The following ANAPC4 variants were observed in gnomAD, a reference collection of about 807,000 sequenced individuals.
ANAPC4 encodes the protein anaphase-promoting complex subunit 4.
Under a neutral mutation model 119.8 loss-of-function variants are expected in ANAPC4, and 63 were observed. The ratio of observed to expected loss-of-function variants is 0.53; its 90% CI spans 0.43 to 0.65. The LOEUF (loss-of-function observed/expected upper bound fraction) is 0.65. Among genes scored for constraint, ANAPC4 ranks in the 30% least tolerant of loss-of-function variants. The pLI is 0.00. For synonymous variants in ANAPC4, 283 were observed against 318.6 expected (o/e 0.89, Z 1.19); for missense variants, 716 against 945.1 (o/e 0.76, Z 3.18).
chr4:25,406,917 A>T (rs1214061592), intron 19 of ANAPC4, 32 bp downstream of exon 19: 9 of 1,417,908 alleles, frequency 6.3e-6, no homozygotes, highest in Middle Eastern at 1.8e-4. Flanking sequence ...AATGCAGTTT[A>T]AAAAAAAATT....
At chr4:25,415,802 T>C (rs1019061781) in intron 26 of ANAPC4, 22 of 327,654 alleles carry the variant, frequency 6.7e-5, no homozygotes, top group Middle Eastern at 7.9e-4. Context: ...AAGAAAGTAA[T>C]GTGGTTCCCA....
rs1392818214 is a variant in ANAPC4, at chr4:25,405,997, T to C, written c.1317+378T>C. Among the ~76,000 whole-genome samples the C allele has an allele frequency of 6.6e-6, 1 of 152,150 alleles. No homozygotes were observed. Among genetic ancestry groups the C allele is most frequent in the African/African-American group, 2.4e-5 (1 of 41,436 alleles). ...TGTCTGGTAAGCAACAGTTTCTTTC[T>C]AAAGAAAGGAAGGAAGGATTCCTGT... On this transcript the variant is annotated intron_variant, in intron 18 of 28. Coordinates refer to ENST00000315368, the MANE Select transcript of ANAPC4 (RefSeq NM_013367.3). The surrounding 1 kb of genome is among the most constrained non-coding windows in gnomAD (Gnocchi z 4.6).
At chr4:25,379,475 C>T (rs1333546367) in intron 2 of ANAPC4, among the ~76,000 whole-genome samples, 1 of 152,134 alleles carries the variant, frequency 6.6e-6, no homozygotes, top group East Asian at 1.9e-4. Flanking sequence ...TCAAGGAAGA[C>T]ACCTACTTCA....
intron 3 of ANAPC4, among the ~76,000 whole-genome samples, chr4:25,381,749 A>T (rs1721739509): frequency 6.6e-6 from 1 of 151,836 alleles, no homozygotes; most frequent in Non-Finnish European, 1.5e-5. Flanking sequence ...GGAGTTCAAG[A>T]CCAGCCTGGC....
intron 28 of ANAPC4, 191 bp downstream of exon 28, chr4:25,417,930 A>G: frequency 1.1e-6 from 1 of 873,168 alleles, no homozygotes; most frequent in East Asian, 2.7e-5. Flanking sequence ...AAGCTTACTA[A>G]GTAGTTAATA....
intron 17 of ANAPC4, among the ~76,000 whole-genome samples, chr4:25,403,333 A>G (rs1454325003): frequency 6.6e-6 from 1 of 152,178 alleles, no homozygotes; most frequent in Admixed American, 6.5e-5. Context: ...TCAAATCAGT[A>G]TAATTGGGAT....
chr4:25,388,894 A>G lies in ANAPC4; in HGVS notation c.515+12A>G. ...TTGGGAGACGTCAGGTAAATCTTAC[A>G]GATAAATAAGTCTAATTTCTTAAAG... On this transcript the variant is annotated intron_variant, in intron 7 of 28. Coordinates refer to ENST00000315368, the MANE Select transcript of ANAPC4 (RefSeq NM_013367.3). 1.3e-6 allele frequency: 2 copies of G among 1,570,174 alleles called. No homozygotes were observed. The highest frequency in any genetic ancestry group is 1.7e-6 in the Non-Finnish European group (2 of 1,150,878).
chr4:25,383,587 CAG>C (rs1721869035), intron 4 of ANAPC4, among the ~76,000 whole-genome samples, 194 bp downstream of exon 4: 1 of 151,634 alleles, frequency 6.6e-6, no homozygotes, highest in South Asian at 2.1e-4. Context: ...AGGCATACCT[CAG>C]AGATATTGTG....
At chr4:25,388,098 C>T (rs2045530) in intron 4 of ANAPC4, among the ~76,000 whole-genome samples, 10,087 of 152,168 alleles carry the variant, frequency 0.066, 387 homozygotes, top group South Asian at 0.13. Flanking sequence ...CACTGCACTC[C>T]GGCCTGGGTG....
intron 25 of ANAPC4, 118 bp downstream of exon 25, chr4:25,414,818 A>G (rs1254707948): frequency 7.3e-6 from 7 of 956,314 alleles, no homozygotes; most frequent in Non-Finnish European, 1.0e-5. Flanking sequence ...TAGATGTGTC[A>G]TTTAATTGTT....
intron 8 of ANAPC4, among the ~76,000 whole-genome samples, chr4:25,390,558 T>A (rs989375039): frequency 2.5e-4 from 38 of 152,230 alleles, no homozygotes; most frequent in Non-Finnish European, 4.4e-5. Flanking sequence ...CATTCTTAAG[T>A]CCAGTACTGA....
chr4:25,390,862 C>T (rs1000618047), intron 8 of ANAPC4, 49 bp from the exon 9 acceptor site: 21 of 1,409,472 alleles, frequency 1.5e-5, no homozygotes, highest in Middle Eastern at 3.6e-4. Context: ...TAATCAGCTT[C>T]AACCTAGCAG....
chr4:25,412,635 C>T (rs1723636329), intron 21 of ANAPC4, among the ~76,000 whole-genome samples: 1 of 151,974 alleles, frequency 6.6e-6, no homozygotes, highest in East Asian at 1.9e-4. Flanking sequence ...ACCTGTAGTC[C>T]TGTTACTCGG....
chr4:25,406,803 T>C (rs1442346126), intron 18 of ANAPC4, 26 bp from the exon 19 acceptor site: 23 of 1,551,484 alleles, frequency 1.5e-5, no homozygotes, highest in Non-Finnish European at 2.0e-5. Context: ...TATCTTGATT[T>C]TTCTTTTTGT....
chr4:25,384,799 CA>C (rs149002549), intron 4 of ANAPC4, among the ~76,000 whole-genome samples: 1,712 of 141,306 alleles, frequency 0.012, 29 homozygotes, highest in African/African-American at 0.042. Flanking sequence ...TGACCTGTCT[CA>C]AAAAAAAAAA....
intron 12 of ANAPC4, 59 bp from the exon 13 acceptor site, chr4:25,394,612 G>A (rs1722534485): frequency 6.7e-6 from 10 of 1,495,196 alleles, no homozygotes; most frequent in African/African-American, 4.2e-5. Context: ...AAAGTTGTAA[G>A]TGATGCATTC....
intron 16 of ANAPC4, among the ~76,000 whole-genome samples, chr4:25,398,308 T>C (rs1041945666): frequency 1.3e-5 from 2 of 152,156 alleles, no homozygotes; most frequent in Non-Finnish European, 2.9e-5. Context: ...AACAAGGACC[T>C]AGGGCATGAT....
chr4:25,412,356 A>G (rs1288655073), intron 21 of ANAPC4, among the ~76,000 whole-genome samples: 1 of 151,852 alleles, frequency 6.6e-6, no homozygotes, highest in African/African-American at 2.4e-5. Flanking sequence ...ATTGAACTCA[A>G]CCTCCAAGCC....
At chr4:25,394,548 A>AT in intron 12 of ANAPC4, 123 bp from the exon 13 acceptor site, 1 of 1,171,756 alleles carries the variant, frequency 8.5e-7, no homozygotes, top group African/African-American at 1.6e-5. Context: ...CATGCGTAGA[A>AT]TTTTTTGTGG....
Sources: gnomAD v4.1 joint callset for allele counts (sites outside exome capture counted in the v4.1 genomes callset) on GRCh38, gnomAD v4.1.1 for gene constraint, Gnocchi (gnomAD v3.1) non-coding constraint, MANE v1.5 for transcripts, NCBI Gene and HGNC (gene_info 2026-07-23, HGNC 2026-07-21) for gene names.